The following MPHOSPH8 variants were observed in gnomAD, a reference collection of about 807,000 sequenced individuals.
The protein encoded by MPHOSPH8 is M-phase phosphoprotein, mpp.
A neutral mutation model predicts 87.3 loss-of-function variants in MPHOSPH8; 45 were observed. The ratio of observed to expected loss-of-function variants is 0.52; its 90% CI spans 0.41 to 0.66. MPHOSPH8 has a LOEUF of 0.66. Among genes scored for constraint, MPHOSPH8 ranks in the 30% least tolerant of loss-of-function variants. The probability of loss-of-function intolerance (pLI) is 0.00; values close to 1 mark genes in which losing one functional copy is unlikely to be tolerated. For missense variants in MPHOSPH8, 883 were observed against 1,020.2 expected, an observed-to-expected ratio of 0.87 and a Z score of 1.83; for synonymous variants, 366 against 376.9, an observed-to-expected ratio of 0.97 and a Z score of 0.33.
chr13:19,659,172 A>G, intron 6 of MPHOSPH8, 29 bp from the exon 7 acceptor site: 1 of 1,609,174 alleles, frequency 6.2e-7, no homozygotes, highest in Non-Finnish European at 8.5e-7. Flanking sequence ...AGATTTATAA[A>G]ATCTAACTTA....
chr13:19,660,762 A>G (rs1344225884), intron 7 of MPHOSPH8, among the ~76,000 whole-genome samples: 1 of 152,046 alleles, frequency 6.6e-6, no homozygotes, highest in Admixed American at 6.6e-5. Context: ...TTGCTTGTCG[A>G]TGGTAAAGCT....
rs74038312 is a variant in MPHOSPH8 at position 19,649,399 on chromosome 13, T to C, written c.1319-604T>C. 1.2e-3 allele frequency among the ~76,000 whole-genome samples: 188 copies of C among 152,298 alleles called. 1 individual carries two copies. Among genetic ancestry groups the C allele is most frequent in the African/African-American group, 3.9e-3 (164 of 41,568 alleles). ...ACTCACTAGAGTCCAGTTTTCAATA[T>C]TCCCTGATAATAAAACCTGTCTGCT... is the stretch of plus-strand genomic sequence containing the variant. On this transcript the variant is annotated intron_variant, in intron 4 of 13. Transcript: ENST00000361479.
intron 5 of MPHOSPH8, among the ~76,000 whole-genome samples, chr13:19,652,197 G>A (rs1241643297): frequency 6.6e-6 from 1 of 152,242 alleles, no homozygotes; most frequent in Non-Finnish European, 1.5e-5. Context: ...GACACAGAAA[G>A]CAGGTGATTT....
chr13:19,670,913 A>T, intron 12 of MPHOSPH8: 1 of 974,320 alleles, frequency 1.0e-6, no homozygotes, highest in South Asian at 1.4e-5. Context: ...TTGACTTCCC[A>T]GGCACAAGCA....
At chr13:19,659,415 G>GTGCTGGGATTA in intron 7 of MPHOSPH8, 126 bp downstream of exon 7, 1 of 776,934 alleles carries the variant, frequency 1.3e-6, no homozygotes, top group Non-Finnish European at 2.1e-6. Context: ...TGTAATCCCA[G>GTGCTGGGATTA]CACTTTGGGA....
intron 5 of MPHOSPH8, chr13:19,650,522 T>C (rs553655286): frequency 6.0e-6 from 2 of 334,090 alleles, no homozygotes; most frequent in East Asian, 9.4e-5. Flanking sequence ...CCTTACCTAC[T>C]CTTACCTGGC....
At position 19,648,539 on chromosome 13, in the gene MPHOSPH8, C is replaced by G; in HGVS notation, c.1318+18C>G. The G allele has an allele frequency of 7.5e-7, 1 of 1,339,746 alleles. No individual in the cohort carries two copies. The highest frequency in any genetic ancestry group is 1.0e-6 in the Non-Finnish European group (1 of 1,003,228). The allele number at this position is 1,339,746 out of a possible 1,614,324, so 83.0% of individuals were successfully genotyped here. ...ATTAAAGAGTGAGTGTAAATATTAA[C>G]GTTTTGCCATTTACGTTGCTATCTT... is the stretch of plus-strand genomic sequence containing the variant. On this transcript the variant is annotated intron_variant, in intron 4 of 13. Coordinates refer to ENST00000361479, the MANE Select transcript of MPHOSPH8 (RefSeq NM_017520.4).
rs1874612356 is a variant in MPHOSPH8, at chr13:19,647,142, A to G, written c.1069A>G (p.Lys357Glu). 1 of 1,614,136 alleles carries G rather than the reference A, an allele frequency of 6.2e-7. No homozygotes were observed. Among genetic ancestry groups the G allele is most frequent in the African/African-American group, 1.3e-5 (1 of 75,036 alleles). Residue 357 changes from lysine (K) to glutamate (E), a missense_variant, in exon 3 of 14, where the codon AAA (lysine) becomes GAA (glutamate). Transcript: ENST00000361479. ...GAACAAGAACGCTTTCTTAGAGAAGAAAACTGTGCCTAAAAAGCAGAGGAA... is the reference window on the plus strand; with the variant it reads ...GAACAAGAACGCTTTCTTAGAGAAGGAAACTGTGCCTAAAAAGCAGAGGAA... ...LENKNAFLEK[K>E]TVPKKQRNQD... is the part of the protein sequence containing the mutation.
rs115473772 is a variant in MPHOSPH8, at chr13:19,666,852, A to G, written c.2174+273A>G. On this transcript the variant is annotated intron_variant, in intron 10 of 13. Transcript: ENST00000361479. ...TAAGTATGCTCTTAATTTGGTTAGC[A>G]AAGGTTTTCTTAAAAACATTTAAAC... 9.7e-3 allele frequency among the ~76,000 whole-genome samples: 1,477 copies of G among 152,286 alleles called. 27 individuals are homozygous for G. The highest frequency in any genetic ancestry group is 0.033 in the African/African-American group (1,372 of 41,560).
intron 1 of MPHOSPH8, among the ~76,000 whole-genome samples, chr13:19,634,845 A>T (rs911000075): frequency 6.6e-6 from 1 of 152,230 alleles, no homozygotes; most frequent in Non-Finnish European, 1.5e-5. Context: ...CAAAGGTCCC[A>T]CAGTGGTCAT....
Position 19,668,362 on chromosome 13 carries a change from A to ATTTTTT in MPHOSPH8, c.2175-11_2175-6dup. 6.3e-7 allele frequency: 1 copy of ATTTTTT among 1,582,146 alleles called. No homozygotes were observed. Among genetic ancestry groups the ATTTTTT allele is most frequent in the Non-Finnish European group, 8.6e-7 (1 of 1,157,378 alleles). ...TTCTACATTAACGTTAACACGTACTATTTTTTTTTCTTAGACTTTCAAGAG... is the reference window on the plus strand; with the variant it reads ...TTCTACATTAACGTTAACACGTACTATTTTTTTTTTTTTTTCTTAGACTTTCAAGAG... On this transcript the variant is annotated splice_polypyrimidine_tract_variant and intron_variant, in intron 10 of 13. Coordinates refer to ENST00000361479, the MANE Select transcript of MPHOSPH8 (RefSeq NM_017520.4).
At chr13:19,671,183 T>C (rs774496569) in intron 12 of MPHOSPH8, 23 bp from the exon 13 acceptor site, 1 of 1,609,568 alleles carries the variant, frequency 6.2e-7, no homozygotes, top group African/African-American at 1.3e-5. Context: ...AACACTGACT[T>C]TTTTTTTCTC....
At chr13:19,634,048 C>T (rs1255001590) in intron 1 of MPHOSPH8, 87 bp downstream of exon 1, 1 of 1,340,348 alleles carries the variant, frequency 7.5e-7, no homozygotes, top group Admixed American at 2.0e-5. Flanking sequence ...ACGGGCAGAC[C>T]CAAAACAGGA....
intron 3 of MPHOSPH8, 143 bp downstream of exon 3, chr13:19,647,434 C>T (rs994303888): frequency 3.3e-5 from 21 of 640,908 alleles, no homozygotes; most frequent in South Asian, 1.8e-4. Context: ...TTTTGGACAC[C>T]GCAGCTTATC....
rs1402348550 is a variant in MPHOSPH8 at position 19,673,119 on chromosome 13, A to G, written c.*1244A>G. The G allele has an allele frequency of 2.2e-6, 1 of 450,330 alleles. No homozygotes were observed. The highest frequency in any genetic ancestry group is 4.4e-6 in the Non-Finnish European group (1 of 225,440). 27.9% of individuals were successfully genotyped at this position (450,330 alleles called of 1,614,324 possible). A position where few individuals can be genotyped will look rare whatever the true frequency, so the allele number is the denominator to read the frequency against. Reference sequence around the variant, plus strand: ...TTTTGTTTTTTTTTTTTGAAAAGCCAGACCTTGTGCCCTTGTTTTGAACAC... The same window carrying G: ...TTTTGTTTTTTTTTTTTGAAAAGCCGGACCTTGTGCCCTTGTTTTGAACAC... On this transcript the variant is annotated 3_prime_UTR_variant, in exon 14 of 14. Coordinates refer to ENST00000361479, the MANE Select transcript of MPHOSPH8 (RefSeq NM_017520.4).
Position 19,671,828 on chromosome 13 carries a change from C to A in MPHOSPH8, c.2542-6C>A. The A allele has an allele frequency of 6.2e-7, 1 of 1,614,016 alleles. No homozygotes were observed. Among genetic ancestry groups the A allele is most frequent in the East Asian group, 2.2e-5 (1 of 44,880 alleles). ...TACTGACACCTGCGTTCTTTTCTTTCAACAGGTTAAGTTGCTAATAGGTGC... is the reference window on the plus strand; with the variant it reads ...TACTGACACCTGCGTTCTTTTCTTTAAACAGGTTAAGTTGCTAATAGGTGC... On this transcript the variant is annotated splice_region_variant and splice_polypyrimidine_tract_variant and intron_variant, in intron 13 of 13. Transcript: ENST00000361479.
At chr13:19,659,533 G>A (rs759591735) in intron 7 of MPHOSPH8, 9 of 433,826 alleles carry the variant, frequency 2.1e-5, no homozygotes, top group Non-Finnish European at 3.8e-5. Context: ...ACATGGTGGT[G>A]TACACCTTTG....
chr13:19,671,803 T>G, intron 13 of MPHOSPH8, 31 bp from the exon 14 acceptor site: 1 of 1,611,422 alleles, frequency 6.2e-7, no homozygotes, highest in Non-Finnish European at 8.5e-7. Flanking sequence ...TCTGGATCTG[T>G]ACTGACACCT....
Position 19,673,025 on chromosome 13 carries a change from A to G in MPHOSPH8, c.*1150A>G. ...GAGCCGTGAAAGGCCACTGCACTCCAGCCTGAGTGACAGAATGAGACCTTG... is the reference window on the plus strand; with the variant it reads ...GAGCCGTGAAAGGCCACTGCACTCCGGCCTGAGTGACAGAATGAGACCTTG... On this transcript the variant is annotated 3_prime_UTR_variant, in exon 14 of 14. Transcript: ENST00000361479. 1 of 443,030 alleles carries G rather than the reference A, an allele frequency of 2.3e-6. No individual in the cohort carries two copies. The highest frequency in any genetic ancestry group is 1.6e-5 in the South Asian group (1 of 62,128). The allele number at this position is 443,030 out of a possible 1,614,324, so 27.4% of individuals were successfully genotyped here.
Sources: allele counts gnomAD v4.1 joint callset (sites outside exome capture counted in the v4.1 genomes callset), GRCh38; gene constraint gnomAD v4.1.1; transcripts MANE v1.5; gene names NCBI Gene and HGNC (gene_info 2026-07-23, HGNC 2026-07-21).